SHROOM4: variants seen among roughly 807,000 people sequenced by gnomAD.
SHROOM4 encodes the protein shroom family member 4.
SHROOM4 carries 17 observed loss-of-function variants against 80.3 expected under a neutral mutation model. The ratio of observed to expected loss-of-function variants is 0.21; its 90% CI spans 0.14 to 0.32. The LOEUF is 0.32. Among genes scored for constraint, SHROOM4 ranks in the 10% least tolerant of loss-of-function variants. The pLI is 1.00. For missense variants in SHROOM4, 993 were observed against 1,140.3 expected, an observed-to-expected ratio of 0.87 and a Z score of 1.86; for synonymous variants, 400 against 437.5, an observed-to-expected ratio of 0.91 and a Z score of 1.07.
At chrX:50,690,655 A>T (rs1432654595) in intron 2 of SHROOM4, among the ~76,000 whole-genome samples, 2 of 112,848 alleles carry the variant, frequency 1.8e-5, no homozygotes, top group African/African-American at 6.4e-5. Flanking sequence ...GTACATTATC[A>T]TCAGATATTT....
intron 2 of SHROOM4, among the ~76,000 whole-genome samples, chrX:50,652,541 A>G (rs1250793927): frequency 9.0e-6 from 1 of 111,601 alleles, no homozygotes; most frequent in Non-Finnish European, 1.9e-5. Context: ...CTCTGATGAT[A>G]GTTTCTTTTG....
At chrX:50,798,684 A>G (rs1260499228) in intron 1 of SHROOM4, among the ~76,000 whole-genome samples, 2 of 111,509 alleles carry the variant, frequency 1.8e-5, no homozygotes, top group Admixed American at 9.5e-5. Flanking sequence ...AAATAGGAAT[A>G]CTACTACTTA....
intron 1 of SHROOM4, among the ~76,000 whole-genome samples, chrX:50,737,707 G>A (rs1934529935): frequency 9.0e-6 from 1 of 111,150 alleles, no homozygotes; most frequent in African/African-American, 3.3e-5. Flanking sequence ...ACCAAAAAAA[G>A]TCCAGGACCA....
chrX:50,787,081 G>A (rs782723580), intron 1 of SHROOM4, among the ~76,000 whole-genome samples: 9 of 109,550 alleles, frequency 8.2e-5, no homozygotes, highest in African/African-American at 2.3e-4. Flanking sequence ...TTAGCCTTGC[G>A]TGGTGGCACT....
At chrX:50,576,602 T>G in the SHROOM4 span, among the ~76,000 whole-genome samples, 10 of 109,623 alleles carry the variant, frequency 9.1e-5, no homozygotes, top group Non-Finnish European at 1.9e-4. Context: ...TCTTCCATTT[T>G]GTGTGTGTGT....
intron 5 of SHROOM4, among the ~76,000 whole-genome samples, chrX:50,618,317 T>TTCCTTCCTTCC: frequency 6.0e-4 from 1 of 1,662 alleles, no homozygotes; most frequent in Non-Finnish European, 1.3e-3. Flanking sequence ...CCTTCCTTCC[T>TTCCTTCCTTCC]TCCTTCCTTC....
At chrX:50,800,131 G>C (rs1936090100) in intron 1 of SHROOM4, among the ~76,000 whole-genome samples, 1 of 112,134 alleles carries the variant, frequency 8.9e-6, no homozygotes, top group Non-Finnish European at 1.9e-5. Context: ...CCATGTGTGT[G>C]TCATTCAAGG....
intron 2 of SHROOM4, among the ~76,000 whole-genome samples, chrX:50,642,703 A>T (rs1931650213): frequency 1.8e-5 from 2 of 111,483 alleles, no homozygotes; most frequent in Non-Finnish European, 3.8e-5. Flanking sequence ...GGCCTCAAGC[A>T]ATCTTCCTGC....
chrX:50,789,662 A>C (rs916024088), intron 1 of SHROOM4, among the ~76,000 whole-genome samples: 5 of 112,493 alleles, frequency 4.4e-5, no homozygotes, highest in Non-Finnish European at 9.4e-5. Context: ...ATAAATAAAC[A>C]ATACAGAATA....
intron 1 of SHROOM4, among the ~76,000 whole-genome samples, chrX:50,713,543 A>G (rs373278620): frequency 2.9e-4 from 32 of 110,759 alleles, no homozygotes; most frequent in East Asian, 2.6e-3. Flanking sequence ...AGGTGGGAGG[A>G]TTGCTTGAAC....
At chrX:50,604,888 T>C (rs1195243178) in intron 6 of SHROOM4, among the ~76,000 whole-genome samples, 2 of 112,160 alleles carry the variant, frequency 1.8e-5, no homozygotes, top group East Asian at 5.6e-4. Context: ...CTGAATCAGT[T>C]ATTAGACTTA....
chrX:50,603,700 C>T (rs1360598069), intron 6 of SHROOM4, among the ~76,000 whole-genome samples: 1 of 111,914 alleles, frequency 8.9e-6, no homozygotes, highest in Non-Finnish European at 1.9e-5. Context: ...TGAGGCATTG[C>T]TTCTCAGAGC....
chrX:50,702,911 GTTTATTC>G (rs1557263642), intron 1 of SHROOM4, among the ~76,000 whole-genome samples: 1 of 111,673 alleles, frequency 9.0e-6, no homozygotes, highest in Admixed American at 9.5e-5. Context: ...AGACCTGATG[GTTTATTC>G]TTTATTCTTT....
chrX:50,745,728 A>AC (rs781877981), intron 1 of SHROOM4, among the ~76,000 whole-genome samples: 38 of 109,323 alleles, frequency 3.5e-4, no homozygotes, highest in Non-Finnish European at 5.7e-4. Context: ...TAAGAAAGAG[A>AC]CCCCCTGTTT....
At chrX:50,639,675 C>T (rs1557256802) in intron 2 of SHROOM4, among the ~76,000 whole-genome samples, 1 of 111,386 alleles carries the variant, frequency 9.0e-6, no homozygotes, top group Non-Finnish European at 1.9e-5. Flanking sequence ...CATTCATGGT[C>T]ACACTCAAGC....
intron 2 of SHROOM4, among the ~76,000 whole-genome samples, chrX:50,665,134 A>G (rs1260395932): frequency 9.0e-6 from 1 of 111,531 alleles, no homozygotes; most frequent in African/African-American, 3.3e-5. Context: ...TTCAAATCAG[A>G]AAAGAGGATG....
intron 2 of SHROOM4, among the ~76,000 whole-genome samples, chrX:50,680,260 TA>T (rs1932912374): frequency 8.9e-6 from 1 of 112,166 alleles, no homozygotes; most frequent in Admixed American, 9.5e-5. Context: ...TTAAAAAAAT[TA>T]AAGGTAACTT....
intron 5 of SHROOM4, among the ~76,000 whole-genome samples, chrX:50,625,046 G>A (rs112192328): frequency 0.043 from 4,782 of 111,570 alleles, 235 homozygotes; most frequent in African/African-American, 0.15. Context: ...TGGAAAACTG[G>A]TATGCTCATA....
chrX:50,666,211 G>GGCATGA (rs1407510934), intron 2 of SHROOM4, among the ~76,000 whole-genome samples: 10 of 111,246 alleles, frequency 9.0e-5, no homozygotes, highest in Non-Finnish European at 1.9e-4. Flanking sequence ...ATTCCATGAT[G>GGCATGA]GCATGAGGTC....
Sources: allele counts gnomAD v4.1 joint callset (sites outside exome capture counted in the v4.1 genomes callset), GRCh38; gene constraint gnomAD v4.1.1; transcripts MANE v1.5; gene names NCBI Gene and HGNC (gene_info 2026-07-23, HGNC 2026-07-21).